DIPK1A: variants seen among roughly 807,000 people sequenced by gnomAD.
DIPK1A encodes the protein divergent protein kinase domain 1A, also known as family with sequence similarity 69 member A.
DIPK1A carries 27 observed loss-of-function variants against 40.8 expected under a neutral mutation model. The ratio of observed to expected loss-of-function variants is 0.66; its 90% CI spans 0.49 to 0.91. The LOEUF (loss-of-function observed/expected upper bound fraction) is 0.91. Among genes scored for constraint, DIPK1A ranks in the 40% least tolerant of loss-of-function variants. The pLI is 0.00. For synonymous variants in DIPK1A, 166 were observed against 171.3 expected, an observed-to-expected ratio of 0.97 and a Z score of 0.24; for missense variants, 412 against 505.7, an observed-to-expected ratio of 0.81 and a Z score of 1.78.
At chr1:92,855,041 C>A (rs138222280) in intron 2 of DIPK1A, among the ~76,000 whole-genome samples, 136 of 151,130 alleles carry the variant, frequency 9.0e-4, no homozygotes, top group Non-Finnish European at 1.5e-3. Context: ...TCCCATAGCT[C>A]AAACATGGCC....
downstream of DIPK1A, among the ~76,000 whole-genome samples, chr1:92,840,008 A>ATT (rs111307161): frequency 1.3e-4 from 18 of 138,326 alleles, no homozygotes; most frequent in African/African-American, 3.2e-4. Flanking sequence ...TGCCCTGCTA[A>ATT]TTTTTTTTTT....
At chr1:92,856,545 G>C (rs1473387105) in intron 2 of DIPK1A, among the ~76,000 whole-genome samples, 1 of 152,040 alleles carries the variant, frequency 6.6e-6, no homozygotes, top group Non-Finnish European at 1.5e-5. Flanking sequence ...GGCCTCCCAA[G>C]TAGCTGGGAT....
intron 2 of DIPK1A, among the ~76,000 whole-genome samples, chr1:92,862,911 C>G (rs1046579088): frequency 6.6e-6 from 1 of 152,190 alleles, no homozygotes; most frequent in East Asian, 1.9e-4. Context: ...TCAGATGTAA[C>G]CTTTTCCAGA....
chr1:92,930,102 C>G (rs1476342652), intron 1 of DIPK1A, among the ~76,000 whole-genome samples: 1 of 152,190 alleles, frequency 6.6e-6, no homozygotes, highest in Non-Finnish European at 1.5e-5. Flanking sequence ...TTCCTTGTTT[C>G]TGACTCCCTG....
At chr1:92,836,028 C>T (rs1387109847) in intron 4 of DIPK1A, among the ~76,000 whole-genome samples, 1 of 151,842 alleles carries the variant, frequency 6.6e-6, no homozygotes, top group Non-Finnish European at 1.5e-5. Flanking sequence ...TTTTAAATAG[C>T]ATTTAAAAAT....
chr1:92,842,172 C>T lies in DIPK1A; in HGVS notation c.*1211G>A, dbSNP rs940621896. On this transcript the variant is annotated 3_prime_UTR_variant, in exon 5 of 5. Transcript: ENST00000370310. Reference sequence around the variant, plus strand: ...GACCAACCATCAGTGGGAAATATTTCTTCCATCCATTTATTATAACCAGAT... The same window carrying T: ...GACCAACCATCAGTGGGAAATATTTTTTCCATCCATTTATTATAACCAGAT... The T allele has an allele frequency of 3.4e-5, 35 of 1,031,702 alleles. No homozygotes were observed. The highest frequency in any genetic ancestry group is 5.4e-5 in the Admixed American group (1 of 18,436). The allele number at this position is 1,031,702 out of a possible 1,614,324, so 63.9% of individuals were successfully genotyped here.
chr1:92,960,983 G>A (rs1652055913), intron 1 of DIPK1A, among the ~76,000 whole-genome samples: 1 of 152,224 alleles, frequency 6.6e-6, no homozygotes. Context: ...CGGGGGAGGG[G>A]GGAAAGCCCC....
intron 1 of DIPK1A, among the ~76,000 whole-genome samples, chr1:92,897,088 T>A (rs1649206307): frequency 6.6e-6 from 1 of 151,892 alleles, no homozygotes; most frequent in African/African-American, 2.4e-5. Context: ...ATTGTGGAAG[T>A]CAGTGTGGCG....
intron 1 of DIPK1A, among the ~76,000 whole-genome samples, chr1:92,878,967 A>G (rs1648254971): frequency 6.6e-6 from 1 of 152,172 alleles, no homozygotes. Context: ...AGATTGTGCC[A>G]CTGCATTCCA....
At chr1:92,944,768 G>T (rs962672935) in intron 1 of DIPK1A, among the ~76,000 whole-genome samples, 2 of 152,100 alleles carry the variant, frequency 1.3e-5, no homozygotes, top group Admixed American at 1.3e-4. Context: ...AAGTAGCTGG[G>T]AGCACAGCTA....
intron 2 of DIPK1A, among the ~76,000 whole-genome samples, chr1:92,871,859 T>C (rs1019972205): frequency 5.3e-5 from 8 of 152,156 alleles, no homozygotes; most frequent in Non-Finnish European, 8.8e-5. Context: ...TATCCATTCA[T>C]CTGTGGATGG....
At chr1:92,956,517 GAAC>G (rs1557501223) in intron 1 of DIPK1A, among the ~76,000 whole-genome samples, 1 of 152,158 alleles carries the variant, frequency 6.6e-6, no homozygotes, top group African/African-American at 2.4e-5. Context: ...GGAGGATAGA[GAAC>G]AACCATAGGC....
chr1:92,956,738 C>T (rs753837177), intron 1 of DIPK1A, among the ~76,000 whole-genome samples: 4 of 152,160 alleles, frequency 2.6e-5, no homozygotes, highest in Non-Finnish European at 4.4e-5. Context: ...TGTACTAATA[C>T]GAGCCAAAGT....
chr1:92,911,953 G>A (rs1447451505), intron 1 of DIPK1A, among the ~76,000 whole-genome samples: 5 of 125,302 alleles, frequency 4.0e-5, no homozygotes, highest in Non-Finnish European at 7.9e-5. Context: ...GCAGTGAGCT[G>A]AGATTGTGCC....
intron 2 of DIPK1A, among the ~76,000 whole-genome samples, chr1:92,856,621 T>C (rs1364730033): frequency 6.6e-6 from 1 of 152,206 alleles, no homozygotes; most frequent in African/African-American, 2.4e-5. Flanking sequence ...TTCTCCATGT[T>C]GGTCAGGCTG....
chr1:92,908,575 T>C (rs565093239), intron 1 of DIPK1A, among the ~76,000 whole-genome samples: 1 of 151,922 alleles, frequency 6.6e-6, no homozygotes, highest in African/African-American at 2.4e-5. Context: ...GGCTGAAGAG[T>C]AGGAGGTGTG....
downstream of DIPK1A, among the ~76,000 whole-genome samples, chr1:92,839,031 C>CTTT (rs35078348): frequency 6.3e-4 from 75 of 118,272 alleles, 1 homozygote; most frequent in African/African-American, 1.3e-3. Flanking sequence ...AGAGTTGCAG[C>CTTT]TTTTTTTTTT....
At chr1:92,927,154 A>C (rs1269608450) in intron 1 of DIPK1A, among the ~76,000 whole-genome samples, 1 of 152,084 alleles carries the variant, frequency 6.6e-6, no homozygotes, top group Non-Finnish European at 1.5e-5. Context: ...CATACAATTC[A>C]CCCATTTAAA....
At chr1:92,933,988 G>T (rs946381106) in intron 1 of DIPK1A, 2 of 152,154 alleles carry the variant, frequency 1.3e-5, no homozygotes, top group East Asian at 1.9e-4. Context: ...TCTGGATTAG[G>T]ATAGGCCAAC....
Sources: gnomAD v4.1 joint callset for allele counts (sites outside exome capture counted in the v4.1 genomes callset) on GRCh38, gnomAD v4.1.1 for gene constraint, MANE v1.5 for transcripts, NCBI Gene and HGNC (gene_info 2026-07-23, HGNC 2026-07-21) for gene names.